CDK6: variants seen among roughly 807,000 people sequenced by gnomAD.
CDK6 encodes cyclin-dependent kinase 6.
Under a neutral mutation model 37.1 loss-of-function variants are expected in CDK6, and 6 were observed. That is an observed-to-expected ratio of 0.16 (90% confidence interval 0.09 to 0.32). The LOEUF (loss-of-function observed/expected upper bound fraction) is 0.32. Ranked by LOEUF, CDK6 falls within the 10% of genes least tolerant of loss-of-function variation. The pLI, the probability that CDK6 is intolerant of heterozygous loss-of-function variation, is 1.00. For missense variants in CDK6, 224 were observed against 418.9 expected, an observed-to-expected ratio of 0.53 and a Z score of 4.06; for synonymous variants, 160 against 161.3, an observed-to-expected ratio of 0.99 and a Z score of 0.06.
At chr7:92,617,107 T>C (rs909953419) in intron 7 of CDK6, among the ~76,000 whole-genome samples, 5 of 152,220 alleles carry the variant, frequency 3.3e-5, no homozygotes, top group African/African-American at 1.2e-4. Context: ...TAACTTTTAG[T>C]ACATATTCCC....
At position 92,703,567 on chromosome 7, in the gene CDK6, CAT is replaced by C. The variant is rs566289909; in HGVS notation, c.537+22057_537+22058del. Among the ~76,000 whole-genome samples, 92 of 152,214 alleles carry C rather than the reference CAT, an allele frequency of 6.0e-4. 2 individuals carry two copies. The South Asian group carries it at 0.011, about 18-fold the overall frequency. ...TTCTCAATTCTCTAGATAAACATCA[CAT>C]GTTTTATGACATGAATGTGTTATAT... On this transcript the variant is annotated intron_variant, in intron 4 of 7. Transcript: ENST00000424848.
At chr7:92,751,273 T>A (rs1799182199) in intron 3 of CDK6, among the ~76,000 whole-genome samples, 1 of 152,166 alleles carries the variant, frequency 6.6e-6, no homozygotes, top group Admixed American at 6.5e-5. Flanking sequence ...TGATGATGAA[T>A]CTCCTACTTT....
intron 3 of CDK6, among the ~76,000 whole-genome samples, chr7:92,768,413 T>C (rs1388716931): frequency 6.6e-6 from 1 of 152,224 alleles, no homozygotes; most frequent in Non-Finnish European, 1.5e-5. Context: ...ACTATGTTAT[T>C]CCAACATTCG....
intron 5 of CDK6, among the ~76,000 whole-genome samples, chr7:92,641,949 T>G (rs1261135570): frequency 1.3e-5 from 2 of 152,210 alleles, no homozygotes; most frequent in African/African-American, 2.4e-5. Context: ...GTCTCTGTCT[T>G]GCCCCTTAGA....
chr7:92,605,762 C>A lies in CDK6; in HGVS notation c.*9378G>T, dbSNP rs1022480717. On this transcript the variant is annotated 3_prime_UTR_variant, in exon 8 of 8. Coordinates refer to ENST00000424848, the MANE Select transcript of CDK6 (RefSeq NM_001145306.2). ...CCCTCTTGCTATGTCTATACCATAC[C>A]TGAGGCCATTTTTCTTAGAGGGCAA... 1.3e-5 allele frequency: 3 copies of A among 233,106 alleles called. No individual in the cohort carries two copies. Among genetic ancestry groups the A allele is most frequent in the African/African-American group, 6.6e-5 (3 of 45,312 alleles). The allele number at this position is 233,106 out of a possible 1,614,324, so 14.4% of individuals were successfully genotyped here.
chr7:92,634,447 G>C (rs1796123161), intron 5 of CDK6, among the ~76,000 whole-genome samples: 1 of 151,156 alleles, frequency 6.6e-6, no homozygotes, highest in Non-Finnish European at 1.5e-5. Flanking sequence ...GTATTTTAGT[G>C]CTTGGTAGCA....
At chr7:92,783,475 C>T (rs1800045814) in intron 2 of CDK6, among the ~76,000 whole-genome samples, 5 of 152,138 alleles carry the variant, frequency 3.3e-5, no homozygotes, top group Admixed American at 3.3e-4. Flanking sequence ...ATCAACATTG[C>T]TTATTTACTA....
intron 4 of CDK6, among the ~76,000 whole-genome samples, chr7:92,722,337 T>C (rs953244857): frequency 6.6e-6 from 1 of 152,180 alleles, no homozygotes; most frequent in Non-Finnish European, 1.5e-5. Flanking sequence ...ATTACAATAA[T>C]GCTACATTCC....
chr7:92,715,055 G>A (rs1219034746), intron 4 of CDK6, among the ~76,000 whole-genome samples: 9 of 152,164 alleles, frequency 5.9e-5, no homozygotes, highest in Non-Finnish European at 1.2e-4. Flanking sequence ...ATAAGGTGCA[G>A]ATAGTATTTA....
chr7:92,627,001 A>G lies in CDK6; in HGVS notation c.648-3915T>C, dbSNP rs540864789. Among the ~76,000 whole-genome samples the G allele has an allele frequency of 4.6e-5, 7 of 152,206 alleles. No individual in the cohort carries two copies. In the East Asian group the frequency reaches 1.4e-3, roughly 29 times the overall value. Reference sequence around the variant, plus strand: ...GCATTAACATACAGGTCCACATAAAAACTTGTACATGAATATTTATAGCAG... The same window carrying G: ...GCATTAACATACAGGTCCACATAAAGACTTGTACATGAATATTTATAGCAG... On this transcript the variant is annotated intron_variant, in intron 5 of 7. Coordinates refer to ENST00000424848, the MANE Select transcript of CDK6 (RefSeq NM_001145306.2).
At chr7:92,747,426 A>C (rs980872102) in intron 3 of CDK6, among the ~76,000 whole-genome samples, 2 of 152,154 alleles carry the variant, frequency 1.3e-5, no homozygotes, top group African/African-American at 4.8e-5. Context: ...GCCTAATTTG[A>C]GTTTGAAACA....
chr7:92,734,443 T>G (rs1233517831), intron 3 of CDK6, among the ~76,000 whole-genome samples: 1 of 152,216 alleles, frequency 6.6e-6, no homozygotes, highest in East Asian at 1.9e-4. Flanking sequence ...CCCTGCCTCC[T>G]GGTACTCTGT....
chr7:92,754,799 T>C (rs1240174660), intron 3 of CDK6, among the ~76,000 whole-genome samples: 4 of 152,190 alleles, frequency 2.6e-5, no homozygotes, highest in South Asian at 2.1e-4. Flanking sequence ...AAAGTCACCA[T>C]AGCTTGTGGT....
chr7:92,830,328 C>G (rs190061732), intron 2 of CDK6, among the ~76,000 whole-genome samples: 80 of 152,318 alleles, frequency 5.3e-4, no homozygotes, highest in Non-Finnish European at 5.9e-5. Flanking sequence ...AAAATTAAAT[C>G]TTAAACTTTT....
At chr7:92,621,437 G>A (rs753033534) in intron 6 of CDK6, among the ~76,000 whole-genome samples, 1 of 152,276 alleles carries the variant, frequency 6.6e-6, no homozygotes, top group South Asian at 2.1e-4. Context: ...CATGTACTAA[G>A]GGGGCACTAA....
intron 4 of CDK6, chr7:92,725,393 G>A: frequency 1.1e-6 from 1 of 890,298 alleles, no homozygotes; most frequent in Non-Finnish European, 1.3e-6. Context: ...TGGCTAAGAT[G>A]CAACAGGCTA....
Position 92,833,650 on chromosome 7 carries a change from T to G in CDK6, c.-327A>C. On this transcript the variant is annotated 5_prime_UTR_variant, in exon 2 of 8. The change abolishes an upstream ATG in the 5' untranslated region. Transcript: ENST00000424848. The surrounding 1 kb of genome is among the most constrained non-coding windows in gnomAD (Gnocchi z 6.1). ...AGTCCTCAACACAGACACGATTACA[T>G]AGCCTCTGCCCAAGCGCGTCTCAGT... 3 of 495,198 alleles carry G rather than the reference T, an allele frequency of 6.1e-6. No homozygotes were observed. The highest frequency in any genetic ancestry group is 4.1e-5 in the African/African-American group (2 of 49,078). 30.7% of individuals were successfully genotyped at this position (495,198 alleles called of 1,614,324 possible). A position where few individuals can be genotyped will look rare whatever the true frequency, so the allele number is the denominator to read the frequency against.
chr7:92,663,179 T>A (rs189309385), intron 5 of CDK6, among the ~76,000 whole-genome samples: 9 of 152,118 alleles, frequency 5.9e-5, no homozygotes, highest in Non-Finnish European at 1.0e-4. Context: ...TAGAGTGGTA[T>A]ATGATATGTG....
At chr7:92,768,993 A>G (rs1017307252) in intron 3 of CDK6, among the ~76,000 whole-genome samples, 1 of 152,134 alleles carries the variant, frequency 6.6e-6, no homozygotes. Context: ...GTCACTTTGC[A>G]TTATGTCAAA....
Sources: allele counts gnomAD v4.1 joint callset (sites outside exome capture counted in the v4.1 genomes callset), GRCh38; gene constraint gnomAD v4.1.1; non-coding constraint Gnocchi (gnomAD v3.1); transcripts MANE v1.5; gene names NCBI Gene and HGNC (gene_info 2026-07-23, HGNC 2026-07-21).